The following PPP4R3B variants were observed in gnomAD, a reference collection of about 807,000 sequenced individuals.
PPP4R3B encodes serine/threonine-protein phosphatase 4 regulatory subunit 3B.
In PPP4R3B, 52 loss-of-function variants were observed where a neutral mutation model predicts 95.4. The ratio of observed to expected loss-of-function variants is 0.54; its 90% confidence interval spans 0.44 to 0.69. The LOEUF is 0.69. Ranked by LOEUF, PPP4R3B falls within the 30% of genes least tolerant of loss-of-function variation. The pLI, the probability that PPP4R3B is intolerant of heterozygous loss-of-function variation, is 0.00. For missense variants in PPP4R3B, 1,003 were observed against 1,005.9 expected (o/e 1.00, Z 0.04); for synonymous variants, 407 against 343.9 (o/e 1.18, Z -2.03).
chr2:55,595,737 T>TG lies in PPP4R3B; in HGVS notation c.921+2678dup, dbSNP rs1412347169. On this transcript the variant is annotated intron_variant, in intron 4 of 16. Coordinates refer to ENST00000616407, the MANE Select transcript of PPP4R3B (RefSeq NM_001122964.3). ...AATATGTTCTTTAAGCAAAAGTACA[T>TG]GAAAAAAAAAAAAAAAACACAGCCT... Among the ~76,000 whole-genome samples, 21 of 76,260 alleles carry TG rather than the reference T, an allele frequency of 2.8e-4. No individual in the cohort carries two copies. In the Admixed American group the frequency reaches 3.5e-3, roughly 13 times the overall value. 50.0% of individuals were successfully genotyped at this position (76,260 alleles called of 152,430 possible).
chr2:55,606,337 T>A (rs529355573), intron 2 of PPP4R3B, among the ~76,000 whole-genome samples: 1 of 152,144 alleles, frequency 6.6e-6, no homozygotes, highest in African/African-American at 2.4e-5. Context: ...AGACCCAATA[T>A]ACACTTAAGG....
At chr2:55,571,147 A>G (rs778097024) in intron 12 of PPP4R3B, among the ~76,000 whole-genome samples, 4 of 151,996 alleles carry the variant, frequency 2.6e-5, no homozygotes, top group Non-Finnish European at 5.9e-5. Context: ...CATCTCTACT[A>G]AAAATACAAA....
Position 55,604,266 on chromosome 2 carries a change from A to C in PPP4R3B, c.199-190T>G, listed in dbSNP as rs978129975. 1.4e-4 allele frequency among the ~76,000 whole-genome samples: 22 copies of C among 152,304 alleles called. No homozygotes were observed. In the East Asian group the frequency reaches 3.7e-3, roughly 25 times the overall value. ...AATAGTAGCTTTGATACTAAAAATGACTGAGCAATTTTTTAAAACAAAAAA... is the reference window on the plus strand; with the variant it reads ...AATAGTAGCTTTGATACTAAAAATGCCTGAGCAATTTTTTAAAACAAAAAA... On this transcript the variant is annotated intron_variant, in intron 2 of 16. Transcript: ENST00000616407.
intron 2 of PPP4R3B, among the ~76,000 whole-genome samples, chr2:55,613,655 G>A (rs72803597): frequency 4.6e-4 from 70 of 152,154 alleles, no homozygotes; most frequent in South Asian, 8.3e-4. Context: ...TCCATAATGT[G>A]ATGTTTCCAA....
At chr2:55,591,256 A>C in intron 4 of PPP4R3B, among the ~76,000 whole-genome samples, 1 of 146,124 alleles carries the variant, frequency 6.8e-6, no homozygotes, top group South Asian at 2.2e-4. Context: ...CCTCCCTCAG[A>C]CTCCCATGTA....
At chr2:55,609,744 AAAAG>A (rs1458142565) in intron 2 of PPP4R3B, among the ~76,000 whole-genome samples, 2 of 152,072 alleles carry the variant, frequency 1.3e-5, no homozygotes, top group Middle Eastern at 3.2e-3. Flanking sequence ...GCCCGGATGG[AAAAG>A]AAAAAAAAAG....
intron 2 of PPP4R3B, chr2:55,614,153 GT>G (rs1195604686): frequency 2.6e-5 from 4 of 152,166 alleles, no homozygotes; most frequent in African/African-American, 9.6e-5. Flanking sequence ...TGTTCTAACA[GT>G]AAGACTTTGT....
chr2:55,562,518 C>A (rs980699654), intron 15 of PPP4R3B, among the ~76,000 whole-genome samples: 1 of 152,210 alleles, frequency 6.6e-6, no homozygotes, highest in Non-Finnish European at 1.5e-5. Flanking sequence ...GCTTTCCTTT[C>A]GCCTTCGACC....
At chr2:55,557,014 G>A (rs1685929091) in intron 16 of PPP4R3B, among the ~76,000 whole-genome samples, 1 of 152,196 alleles carries the variant, frequency 6.6e-6, no homozygotes, top group South Asian at 2.1e-4. Flanking sequence ...AGTGAGCTGT[G>A]ATCACACCAC....
intron 4 of PPP4R3B, among the ~76,000 whole-genome samples, chr2:55,594,566 G>T (rs1691502436): frequency 6.6e-6 from 1 of 152,034 alleles, no homozygotes; most frequent in Admixed American, 6.6e-5. Flanking sequence ...TTTATTTTCT[G>T]AATATAAAAA....
Position 55,617,565 on chromosome 2 carries a change from C to CG in PPP4R3B, c.-281dup. ...CAGGGCTCGCTTGCTCTCCCGCCGC[C>CG]GCGGTAACTACTACAGATCCGCCAT... On this transcript the variant is annotated 5_prime_UTR_variant, in exon 1 of 17. Transcript: ENST00000616407. 2.8e-6 allele frequency: 1 copy of CG among 353,642 alleles called. No homozygotes were observed. Among genetic ancestry groups the CG allele is most frequent in the Admixed American group, 4.4e-5 (1 of 22,702 alleles). 21.9% of individuals were successfully genotyped at this position (353,642 alleles called of 1,614,324 possible).
intron 12 of PPP4R3B, 80 bp from the exon 13 acceptor site, chr2:55,568,443 C>G: frequency 8.7e-7 from 1 of 1,146,690 alleles, no homozygotes; most frequent in Non-Finnish European, 1.2e-6. Flanking sequence ...CACCATAAAG[C>G]AATGTATATG....
In PPP4R3B at chr2:55,615,499, T is replaced by C. The variant is rs1259155746; in HGVS notation, c.150A>G (p.Leu50=). The change falls in exon 2 of 17, where the codon CTA becomes CTG. Residue 50 remains leucine (L), a synonymous_variant. Coordinates refer to ENST00000616407, the MANE Select transcript of PPP4R3B (RefSeq NM_001122964.3). ...TTGGATTTATCTTTGATTCCAAGAGTAGTGATCCTGAAAGATAAAAAATAA... is the reference window on the plus strand; with the variant it reads ...TTGGATTTATCTTTGATTCCAAGAGCAGTGATCCTGAAAGATAAAAAATAA... ...LLVRAESDGS[L]LLESKINPNT... The C allele has an allele frequency of 2.5e-6, 4 of 1,585,342 alleles. No individual in the cohort carries two copies. Among genetic ancestry groups the C allele is most frequent in the East Asian group, 4.5e-5 (2 of 44,466 alleles).
chr2:55,588,423 GAATCCC>G (rs1690466592), intron 5 of PPP4R3B, among the ~76,000 whole-genome samples: 1 of 151,112 alleles, frequency 6.6e-6, no homozygotes. Flanking sequence ...TGAGGCGGGA[GAATCCC>G]TTGAACCTGG....
chr2:55,599,247 G>A (rs1692221965), intron 3 of PPP4R3B, among the ~76,000 whole-genome samples: 1 of 152,068 alleles, frequency 6.6e-6, no homozygotes, highest in African/African-American at 2.4e-5. Flanking sequence ...AAACCAGCCT[G>A]GGCAACATGG....
intron 4 of PPP4R3B, among the ~76,000 whole-genome samples, chr2:55,591,120 A>G (rs954881605): frequency 6.7e-6 from 1 of 148,558 alleles, no homozygotes; most frequent in Non-Finnish European, 1.5e-5. Context: ...GTAATCTTTT[A>G]TTTAGCCCTC....
intron 8 of PPP4R3B, among the ~76,000 whole-genome samples, chr2:55,581,012 G>A (rs1463860760): frequency 2.0e-5 from 3 of 152,128 alleles, no homozygotes; most frequent in African/African-American, 7.2e-5. Flanking sequence ...CAGCACTTTG[G>A]GAGGCTGAGG....
rs1247846261 is a variant in PPP4R3B at position 55,549,724 on chromosome 2, A to G, written c.*187T>C. ...AAAGGCAAACCCCTTAATTACTAGC[A>G]AGCAATCAAGTTCCTGGGAAGCCTG... On this transcript the variant is annotated 3_prime_UTR_variant, in exon 17 of 17. Coordinates refer to ENST00000616407, the MANE Select transcript of PPP4R3B (RefSeq NM_001122964.3). The G allele has an allele frequency of 5.4e-6, 3 of 552,070 alleles. No individual in the cohort carries two copies. In the African/African-American group the frequency reaches 5.9e-5, roughly 11 times the overall value. The allele number at this position is 552,070 out of a possible 1,614,324, so 34.2% of individuals were successfully genotyped here.
chr2:55,579,767 A>G lies in PPP4R3B; in HGVS notation c.1380T>C (p.Ser460=). The G allele has an allele frequency of 6.2e-7, 1 of 1,602,888 alleles. No individual in the cohort carries two copies. Among genetic ancestry groups the G allele is most frequent in the Non-Finnish European group, 8.5e-7 (1 of 1,176,030 alleles). ...MLATTNKTEK[S]EFLNFFYNHC... is the part of the protein sequence containing the mutation. ...GGTTGTAGAAAAAATTTAGAAATTC[A>G]CTTTTTTCGGTTTTCTGAAACATAG... The change falls in exon 9 of 17, where the codon AGT becomes AGC. Residue 460 remains serine, a synonymous_variant. Coordinates refer to ENST00000616407, the MANE Select transcript of PPP4R3B (RefSeq NM_001122964.3).
Sources: allele counts gnomAD v4.1 joint callset (sites outside exome capture counted in the v4.1 genomes callset), GRCh38; gene constraint gnomAD v4.1.1; transcripts MANE v1.5; gene names NCBI Gene and HGNC (gene_info 2026-07-23, HGNC 2026-07-21).